FLRT1: variants seen among roughly 807,000 people sequenced by gnomAD.
FLRT1 encodes the protein fibronectin leucine rich transmembrane protein 1.
Under a neutral mutation model 30.9 loss-of-function variants are expected in FLRT1, and 14 were observed. The ratio of observed to expected loss-of-function variants is 0.45; its 90% CI spans 0.30 to 0.71. FLRT1 has a LOEUF of 0.71. Ranked by LOEUF, FLRT1 falls within the 30% of genes least tolerant of loss-of-function variation. The pLI is 0.08. For synonymous variants in FLRT1, 368 were observed against 430.4 expected (o/e 0.85, Z 1.80); for missense variants, 737 against 949.2 (o/e 0.78, Z 2.94).
In FLRT1 at chr11:64,096,962, G is replaced by T. The variant is rs1229845693; in HGVS notation, c.-1037-6232G>T. On this transcript the variant is annotated intron_variant, in intron 1 of 2. Coordinates refer to ENST00000682287, the MANE Select transcript of FLRT1 (RefSeq NM_013280.5). The surrounding 1 kb of genome is among the most constrained non-coding windows in gnomAD (Gnocchi z 4.6). ...CGCTCACCCACTCTCTCAGCGTCTGGGCCCGGGAGTTCCTGCCTACCCTTG... is the reference window on the plus strand; with the variant it reads ...CGCTCACCCACTCTCTCAGCGTCTGTGCCCGGGAGTTCCTGCCTACCCTTG... 6.6e-6 allele frequency among the ~76,000 whole-genome samples: 1 copy of T among 152,186 alleles called. No homozygotes were observed. The highest frequency in any genetic ancestry group is 1.5e-5 in the Non-Finnish European group (1 of 68,030).
At chr11:64,063,428 G>A (rs1223984130) in intron 1 of FLRT1, among the ~76,000 whole-genome samples, 1 of 152,098 alleles carries the variant, frequency 6.6e-6, no homozygotes, top group Non-Finnish European at 1.5e-5. Context: ...GGAGGGAGAG[G>A]AGGAGGACTT....
At chr11:64,098,150 T>C (rs618850) in intron 1 of FLRT1, among the ~76,000 whole-genome samples, 9,851 of 152,250 alleles carry the variant, frequency 0.065, 434 homozygotes, top group South Asian at 0.16. Flanking sequence ...GAGAACACTC[T>C]TTCTAAACTG....
At chr11:64,070,784 A>G (rs1944094175) in intron 1 of FLRT1, among the ~76,000 whole-genome samples, 1 of 152,232 alleles carries the variant, frequency 6.6e-6, no homozygotes, top group South Asian at 2.1e-4. Context: ...ATGAAATTTA[A>G]TAACTGGTGG....
Position 64,101,653 on chromosome 11 carries a change from C to T in FLRT1, c.-1037-1541C>T, listed in dbSNP as rs772089448. ...CAATTTATAATTGGATGAAATCACG[C>T]GGGTGGTAATAGCAATAAGGGCTCG... On this transcript the variant is annotated intron_variant, in intron 1 of 2. Coordinates refer to ENST00000682287, the MANE Select transcript of FLRT1 (RefSeq NM_013280.5). Among the ~76,000 whole-genome samples, 5 of 152,178 alleles carry T rather than the reference C, an allele frequency of 3.3e-5. No individual in the cohort carries two copies. The East Asian group carries it at 5.8e-4, about 18-fold the overall frequency.
At chr11:64,116,197 C>CCTTGT (rs1944976154) in intron 2 of FLRT1, 22 bp from the exon 3 acceptor site, 1 of 1,535,120 alleles carries the variant, frequency 6.5e-7, no homozygotes, top group African/African-American at 1.4e-5. Context: ...CTCTCACTGC[C>CCTTGT]CCTGTCCTGT....
chr11:64,059,126 C>T (rs1943848402), intron 1 of FLRT1, among the ~76,000 whole-genome samples: 1 of 152,100 alleles, frequency 6.6e-6, no homozygotes. Flanking sequence ...ACGGAACAGC[C>T]CCTGGTCCTT....
chr11:64,069,562 G>A (rs372280726), intron 1 of FLRT1, among the ~76,000 whole-genome samples: 10 of 152,314 alleles, frequency 6.6e-5, no homozygotes, highest in South Asian at 2.1e-4. Flanking sequence ...CTCCCTGCCC[G>A]TGTGGTGCCC....
At chr11:64,048,678 G>A (rs1943632522) in intron 1 of FLRT1, among the ~76,000 whole-genome samples, 1 of 139,080 alleles carries the variant, frequency 7.2e-6, no homozygotes, top group Admixed American at 6.7e-5. Context: ...GCCCTACAAA[G>A]TGCCTGCAGT....
At chr11:64,105,625 ATGAGTGACCCCACAGGCG>A (rs1334257163) in intron 2 of FLRT1, among the ~76,000 whole-genome samples, 5 of 152,104 alleles carry the variant, frequency 3.3e-5, no homozygotes, top group African/African-American at 9.7e-5. Flanking sequence ...CCCCACAGGC[ATGAGTGACCCCACAGGCG>A]TGAGTGACCC....
At chr11:64,040,803 GGGGCTGTGTCCTGGA>G (rs1565205377) in intron 1 of FLRT1, among the ~76,000 whole-genome samples, 1 of 152,222 alleles carries the variant, frequency 6.6e-6, no homozygotes, top group South Asian at 2.1e-4. Flanking sequence ...AGGGAGTGAA[GGGGCTGTGTCCTGGA>G]GGGCCCCGGA....
rs768000188 is a variant in FLRT1, at chr11:64,117,941, C to T, written c.1674C>T (p.Gly558=). ...MASLPLAGII[G]GAVALVFLFL... is the part of the protein sequence containing the mutation. ...GCCTGCCCCTGGCGGGCATCATCGG[C>T]GGGGCAGTGGCTCTGGTCTTCCTCT... is the stretch of plus-strand genomic sequence containing the variant. Residue 558 remains glycine (G), a synonymous_variant, in exon 3 of 3, where the codon GGC becomes GGT. Transcript: ENST00000682287. 5.6e-6 allele frequency: 9 copies of T among 1,613,684 alleles called. No homozygotes were observed. The highest frequency in any genetic ancestry group is 2.2e-5 in the South Asian group (2 of 91,072).
At chr11:64,053,036 C>G (rs1480963679) in intron 1 of FLRT1, among the ~76,000 whole-genome samples, 4 of 152,218 alleles carry the variant, frequency 2.6e-5, no homozygotes, top group Non-Finnish European at 4.4e-5. Context: ...TCAACTGCAG[C>G]CAAACAGTGC....
chr11:64,081,620 G>A (rs1944305179), intron 1 of FLRT1: 1 of 120,794 alleles, frequency 8.3e-6, no homozygotes, highest in Non-Finnish European at 2.1e-5. Context: ...GGTGAGGAAG[G>A]GGACCACTCT....
At position 64,118,787 on chromosome 11, in the gene FLRT1, G is replaced by A. The variant is rs1945044841; in HGVS notation, c.*495G>A. On this transcript the variant is annotated 3_prime_UTR_variant, in exon 3 of 3. Coordinates refer to ENST00000682287, the MANE Select transcript of FLRT1 (RefSeq NM_013280.5). Reference sequence around the variant, plus strand: ...GAAGGTTTTCAGGCTCCTCACAAAGGAGAGAGGGAAGAAAAGATCTTTTGC... The same window carrying A: ...GAAGGTTTTCAGGCTCCTCACAAAGAAGAGAGGGAAGAAAAGATCTTTTGC... The A allele has an allele frequency of 5.9e-6, 1 of 168,182 alleles. No homozygotes were observed. Among genetic ancestry groups the A allele is most frequent in the African/African-American group, 2.4e-5 (1 of 41,476 alleles). The allele number at this position is 168,182 out of a possible 1,614,324, so 10.4% of individuals were successfully genotyped here.
At chr11:64,068,056 A>G (rs1282225913) in intron 1 of FLRT1, among the ~76,000 whole-genome samples, 1 of 152,274 alleles carries the variant, frequency 6.6e-6, no homozygotes, top group Non-Finnish European at 1.5e-5. Flanking sequence ...TCACAGATAA[A>G]TACATTAAAA....
chr11:64,051,089 C>T lies in FLRT1; in HGVS notation c.-1038+14930C>T, dbSNP rs570421890. On this transcript the variant is annotated intron_variant, in intron 1 of 2. Transcript: ENST00000682287. ...GCCCCACCGATCTGGAGGAGAGATT[C>T]ACTCCATGGATGCTGCCTGTGGGTG... 5.3e-5 allele frequency among the ~76,000 whole-genome samples: 8 copies of T among 152,348 alleles called. No homozygotes were observed. In the East Asian group the frequency reaches 1.4e-3, roughly 26 times the overall value.
At chr11:64,074,277 G>A (rs914995742) in intron 1 of FLRT1, among the ~76,000 whole-genome samples, 20 of 152,352 alleles carry the variant, frequency 1.3e-4, no homozygotes, top group African/African-American at 4.6e-4. Context: ...TGAGGCTCAT[G>A]AGGAAGGTTT....
chr11:64,046,767 G>A (rs973121404), intron 1 of FLRT1, among the ~76,000 whole-genome samples: 4 of 152,186 alleles, frequency 2.6e-5, no homozygotes, highest in African/African-American at 7.2e-5. Flanking sequence ...CCAAAGTGCT[G>A]GGATTACAGG....
At chr11:64,070,951 G>T (rs1944098227) in intron 1 of FLRT1, among the ~76,000 whole-genome samples, 1 of 152,140 alleles carries the variant, frequency 6.6e-6, no homozygotes. Context: ...AGACCAAGGA[G>T]GGGCTGTCTT....
Sources: allele counts gnomAD v4.1 joint callset (sites outside exome capture counted in the v4.1 genomes callset), GRCh38; gene constraint gnomAD v4.1.1; non-coding constraint Gnocchi (gnomAD v3.1); transcripts MANE v1.5; gene names NCBI Gene and HGNC (gene_info 2026-07-23, HGNC 2026-07-21).